NEB: variants seen among roughly 807,000 people sequenced by gnomAD.
NEB encodes nebulin.
A neutral mutation model predicts 952.2 loss-of-function variants in NEB; 512 were observed. That is an observed-to-expected ratio of 0.54 (90% CI 0.50 to 0.58). NEB has a LOEUF of 0.58. Ranked by LOEUF, NEB falls within the 20% of genes least tolerant of loss-of-function variation. The pLI is 0.00. For missense variants in NEB, 8,428 were observed against 9,231.1 expected, an observed-to-expected ratio of 0.91 and a Z score of 3.56; for synonymous variants, 2,900 against 3,149.8, an observed-to-expected ratio of 0.92 and a Z score of 2.66.
intron 164 of NEB, chr2:151,505,932 A>G: frequency 1.7e-6 from 1 of 577,274 alleles, no homozygotes; most frequent in Non-Finnish European, 3.1e-6. Context: ...ACCGGATTCT[A>G]CCTTCTCACA....
chr2:151,607,311 C>T (rs953124208), intron 83 of NEB, among the ~76,000 whole-genome samples, 193 bp downstream of exon 83: 1 of 103,180 alleles, frequency 9.7e-6, no homozygotes, highest in African/African-American at 2.6e-5. Context: ...AGGCACCCAC[C>T]GATGTATCCA....
chr2:151,575,763 A>G lies in NEB; in HGVS notation c.16945T>C (p.Ser5649Pro), dbSNP rs1406773659. 6.2e-7 allele frequency: 1 copy of G among 1,610,474 alleles called. No individual in the cohort carries two copies. Among genetic ancestry groups the G allele is most frequent in the Non-Finnish European group, 8.5e-7 (1 of 1,176,770 alleles). Residue 5649 changes from serine (S) to proline (P), a missense_variant, in exon 107 of 182, where the codon TCA becomes CCA. Physicochemically the swap from Ser to Pro is moderately conservative, Grantham distance 74. This residue lies in a region of NEB where 3,374 missense variants were observed against 3,651.5 expected (regional missense o/e 0.92). Coordinates refer to ENST00000397345, the MANE Select transcript of NEB (RefSeq NM_001164508.2). The stretch of plus-strand genomic sequence containing the variant: ...GGAGTATCTGGCATTATGTGTATTG[A>G]AGTTTTATCCTTGTCCCAAACCTCT... ...YREVWDKDKT[S>P]IHIMPDTPEI...
rs772316132 is a variant in NEB, at chr2:151,642,917, A to T, written c.8161-48T>A. The T allele has an allele frequency of 7.9e-6, 11 of 1,383,776 alleles. No homozygotes were observed. The Admixed American group carries it at 1.7e-4, about 21-fold the overall frequency. The allele number at this position is 1,383,776 out of a possible 1,614,324, so 85.7% of individuals were successfully genotyped here. On this transcript the variant is annotated intron_variant, in intron 58 of 181. Transcript: ENST00000397345. ...ACTGGTATAGGCCAGTAATAAATAGACACATGCAGACAGTCTGATTTTTAA... is the reference window on the plus strand; with the variant it reads ...ACTGGTATAGGCCAGTAATAAATAGTCACATGCAGACAGTCTGATTTTTAA...
At chr2:151,571,285 C>A (rs1244112102) in intron 107 of NEB, among the ~76,000 whole-genome samples, 2 of 152,200 alleles carry the variant, frequency 1.3e-5, no homozygotes, top group Admixed American at 6.5e-5. Context: ...CAATAATATT[C>A]TTTCAGTTGT....
chr2:151,512,251 G>A (rs977629848), intron 161 of NEB, among the ~76,000 whole-genome samples: 12 of 151,866 alleles, frequency 7.9e-5, no homozygotes, highest in African/African-American at 2.9e-4. Context: ...AGCCAGGATG[G>A]TCTGGATCTC....
chr2:151,510,664 ATTG>A (rs1231435546), intron 161 of NEB, among the ~76,000 whole-genome samples: 2 of 152,162 alleles, frequency 1.3e-5, no homozygotes, highest in Admixed American at 6.5e-5. Flanking sequence ...TTTATTAGTT[ATTG>A]TTGTTAATCT....
chr2:151,616,027 T>C lies in NEB; in HGVS notation c.11264A>G (p.Lys3755Arg), dbSNP rs906086225. The C allele has an allele frequency of 1.2e-6, 2 of 1,612,948 alleles. No individual in the cohort carries two copies. The highest frequency in any genetic ancestry group is 1.7e-6 in the Non-Finnish European group (2 of 1,179,486). The stretch of plus-strand genomic sequence containing the variant: ...ATCACTAGCAATATCTCTTGAAGCC[T>C]TGGCTGCTTGGATTGGAATGGCATC... ...RLDAIPIQAA[K>R]ASRDIASDYK... is the part of the protein sequence containing the mutation. Residue 3755 changes from lysine (K) to arginine (R), a missense_variant, in exon 76 of 182, where the codon AAG (lysine) becomes AGG (arginine). By Grantham distance (26) the Lys-to-Arg change is conservative (BLOSUM62 2). Transcript: ENST00000397345.
intron 9 of NEB, among the ~76,000 whole-genome samples, chr2:151,718,968 C>G (rs1181287921): frequency 6.6e-6 from 1 of 152,182 alleles, no homozygotes; most frequent in African/African-American, 2.4e-5. Context: ...ATGCTGTTCC[C>G]TCTCCCCATC....
rs190915366 is a variant in NEB, at chr2:151,488,838, T to A, written c.25404+1133A>T. ...TACCCCTTTCTTGCTGATTTATAATTCTTTTAGGGTCTGTTTCTGGACTTC... is the reference window on the plus strand; with the variant it reads ...TACCCCTTTCTTGCTGATTTATAATACTTTTAGGGTCTGTTTCTGGACTTC... On this transcript the variant is annotated intron_variant, in intron 181 of 181. Coordinates refer to ENST00000397345, the MANE Select transcript of NEB (RefSeq NM_001164508.2). Among the ~76,000 whole-genome samples the A allele has an allele frequency of 2.6e-3, 390 of 152,278 alleles. 1 individual carries two copies. Among genetic ancestry groups the A allele is most frequent in the Non-Finnish European group, 4.4e-3 (301 of 67,976 alleles).
In NEB at chr2:151,639,272, G is replaced by A. The variant is rs1397318636; in HGVS notation, c.8994+8C>T. On this transcript the variant is annotated splice_region_variant and intron_variant, in intron 63 of 181. Transcript: ENST00000397345. ...GCAGTGTGCAAATGTCAAAGAATCT[G>A]CTCTCACCTCACTGTAGTTGATTTT... 3 of 1,526,356 alleles carry A rather than the reference G, an allele frequency of 2.0e-6. No individual in the cohort carries two copies. The African/African-American group carries it at 4.1e-5, about 21-fold the overall frequency. The allele number at this position is 1,526,356 out of a possible 1,614,324, so 94.6% of individuals were successfully genotyped here. A position where few individuals can be genotyped will look rare whatever the true frequency, so the allele number is the denominator to read the frequency against.
intron 1 of NEB, among the ~76,000 whole-genome samples, chr2:151,734,168 C>T (rs2099815899): frequency 6.6e-6 from 1 of 152,098 alleles, no homozygotes; most frequent in Admixed American, 6.5e-5. Flanking sequence ...GACAAGAGAG[C>T]CAATTCAGTC....
chr2:151,671,431 G>C (rs1188422837), intron 37 of NEB: 2 of 493,468 alleles, frequency 4.1e-6, no homozygotes, highest in Non-Finnish European at 7.1e-6. Context: ...ACACAGAAGG[G>C]AATCTAGGTC....
rs398124167 is a variant in NEB at position 151,706,880 on chromosome 2, C to A, written c.1152+1G>T. On this transcript the variant is annotated splice_donor_variant, in intron 13 of 181. Transcript: ENST00000397345. LOFTEE classifies it high-confidence loss of function. Reference sequence around the variant, plus strand: ...AAACACTTTGACAAAAATATACTTACGTCACTTAGGGCATCTCCTGCTGCC... The same window carrying A: ...AAACACTTTGACAAAAATATACTTAAGTCACTTAGGGCATCTCCTGCTGCC... 3.8e-6 allele frequency: 6 copies of A among 1,588,466 alleles called. No individual in the cohort carries two copies. Among genetic ancestry groups the A allele is most frequent in the Non-Finnish European group, 5.1e-6 (6 of 1,165,464 alleles).
intron 128 of NEB, 68 bp downstream of exon 128, chr2:151,552,604 T>A (rs1276712693): frequency 1.2e-5 from 13 of 1,118,582 alleles, no homozygotes; most frequent in Non-Finnish European, 1.5e-5. Context: ...CTATGGTTTT[T>A]GCCACCTCTG....
rs754985496 is a variant in NEB, at chr2:151,553,921, C to A, written c.19533G>T (p.Glu6511Asp). The A allele has an allele frequency of 7.4e-6, 12 of 1,613,828 alleles. No individual in the cohort carries two copies. Among genetic ancestry groups the A allele is most frequent in the Non-Finnish European group, 1.0e-5 (12 of 1,179,834 alleles). ...CGTGGAGGCGCAGGCGGTAATCAAT[C>A]TCACTGACTTTCTTCTGGGAATCCT... ...TAKDSQKKVSEIDYRLRLHEW... is the reference protein window; with the variant it reads ...TAKDSQKKVSDIDYRLRLHEW... The change falls in exon 126 of 182, where the codon GAG (glutamate) becomes GAT (aspartate). Residue 6511 changes from glutamate to aspartate, a missense_variant. Physicochemically the swap from Glu to Asp is conservative, Grantham distance 45 (BLOSUM62 2). Transcript: ENST00000397345.
At chr2:151,546,262 C>A in intron 134 of NEB, 83 bp downstream of exon 134, 1 of 1,077,300 alleles carries the variant, frequency 9.3e-7, no homozygotes, top group South Asian at 1.5e-5. Flanking sequence ...GGCTAAGATC[C>A]CTTCTGCCTA....
intron 55 of NEB, among the ~76,000 whole-genome samples, chr2:151,645,087 C>G (rs1159006169): frequency 6.6e-6 from 1 of 152,218 alleles, no homozygotes. Context: ...TACGGGACCA[C>G]CGTCCTGTAT....
At chr2:151,652,412 A>G (rs1409179543) in intron 52 of NEB, among the ~76,000 whole-genome samples, 2 of 152,080 alleles carry the variant, frequency 1.3e-5, no homozygotes, top group African/African-American at 4.8e-5. Flanking sequence ...TTTTGTAAAG[A>G]AAGAGTCTCA....
At chr2:151,682,604 T>C (rs2099428636) in intron 29 of NEB, 58 bp downstream of exon 29, 6 of 1,381,076 alleles carry the variant, frequency 4.3e-6, no homozygotes, top group African/African-American at 1.4e-5. Flanking sequence ...CCCATGCTTT[T>C]GAGAGCTTTA....
Sources: allele counts gnomAD v4.1 joint callset (sites outside exome capture counted in the v4.1 genomes callset), GRCh38; gene constraint gnomAD v4.1.1; regional missense constraint gnomAD v4.1.1; transcripts MANE v1.5; gene names NCBI Gene and HGNC (gene_info 2026-07-23, HGNC 2026-07-21).